The following GRIK2 variants were observed in gnomAD, a reference collection of about 807,000 sequenced individuals.
The protein encoded by GRIK2 is glutamate ionotropic receptor kainate type subunit 2.
GRIK2 carries 32 observed loss-of-function variants against 100.3 expected under a neutral mutation model. The observed-to-expected ratio is 0.32, with a 90% confidence interval of 0.24 to 0.43. The LOEUF (loss-of-function observed/expected upper bound fraction) is 0.43. Ranked by LOEUF, GRIK2 falls within the 20% of genes least tolerant of loss-of-function variation. The pLI, the probability that GRIK2 is intolerant of heterozygous loss-of-function variation, is 1.00. For synonymous variants in GRIK2, 417 were observed against 389.4 expected, an observed-to-expected ratio of 1.07 and a Z score of -0.83; for missense variants, 843 against 1,114.9, an observed-to-expected ratio of 0.76 and a Z score of 3.47.
At chr6:101,858,730 T>C (rs1784579150) in intron 10 of GRIK2, among the ~76,000 whole-genome samples, 2 of 152,032 alleles carry the variant, frequency 1.3e-5, no homozygotes, top group African/African-American at 2.4e-5. Flanking sequence ...CTTTTTAAAC[T>C]ATAATTAAAT....
chr6:101,945,535 A>G (rs1362563924), intron 14 of GRIK2, among the ~76,000 whole-genome samples: 3 of 152,062 alleles, frequency 2.0e-5, no homozygotes, highest in East Asian at 1.9e-4. Flanking sequence ...ACAGCTCTCC[A>G]TATCTATCGC....
At position 101,970,800 on chromosome 6, in the gene GRIK2, T is replaced by A. The variant is rs150155136; in HGVS notation, c.2085+42168T>A. ...TCTGAGTCCTGTCTCTGCAGTTAAG[T>A]CCTGCCTCCTGAGTCAAGTCCCACC... On this transcript the variant is annotated intron_variant, in intron 14 of 16. Transcript: ENST00000369134. 6.1e-3 allele frequency among the ~76,000 whole-genome samples: 925 copies of A among 150,836 alleles called. 66 individuals are homozygous for A. Among genetic ancestry groups the A allele is most frequent in the African/African-American group, 0.022 (885 of 40,306 alleles).
chr6:101,986,359 C>T (rs1341466186), intron 14 of GRIK2, among the ~76,000 whole-genome samples: 2 of 151,838 alleles, frequency 1.3e-5, no homozygotes, highest in Non-Finnish European at 2.9e-5. Flanking sequence ...TTATACTTCA[C>T]ACTCAGAAAA....
chr6:101,439,759 G>A (rs1010229431), intron 2 of GRIK2, among the ~76,000 whole-genome samples: 2 of 152,050 alleles, frequency 1.3e-5, no homozygotes, highest in East Asian at 1.9e-4. Context: ...ATTATAAGTA[G>A]CTATCTTACC....
intron 7 of GRIK2, among the ~76,000 whole-genome samples, chr6:101,782,265 C>T (rs1255886438): frequency 6.6e-6 from 1 of 152,144 alleles, no homozygotes; most frequent in South Asian, 2.1e-4. Context: ...ACTCTAGTTA[C>T]CCTACTCTGC....
chr6:101,638,411 G>A (rs1426315778), intron 4 of GRIK2, among the ~76,000 whole-genome samples: 1 of 151,926 alleles, frequency 6.6e-6, no homozygotes, highest in East Asian at 1.9e-4. Context: ...GGAGAGATGT[G>A]TAGGGAGTAC....
At chr6:101,877,641 A>G (rs547066523) in intron 11 of GRIK2, among the ~76,000 whole-genome samples, 2 of 152,090 alleles carry the variant, frequency 1.3e-5, no homozygotes, top group African/African-American at 2.4e-5. Flanking sequence ...ACATCTGAGT[A>G]CAAAATAAGT....
rs111295036 is a variant in GRIK2, at chr6:101,543,656, G to C, written c.116-78293G>C. On this transcript the variant is annotated intron_variant, in intron 2 of 16. Transcript: ENST00000369134. ...TATACTCCAGCTCTGCCATGTGGCT[G>C]TGTGGCCTTAGGCAAGTTATTCAGT... is the stretch of plus-strand genomic sequence containing the variant. 6.6e-5 allele frequency among the ~76,000 whole-genome samples: 10 copies of C among 152,294 alleles called. 1 individual carries two copies. Among genetic ancestry groups the C allele is most frequent in the African/African-American group, 2.4e-4 (10 of 41,564 alleles).
intron 14 of GRIK2, among the ~76,000 whole-genome samples, chr6:101,994,275 AC>A (rs1023515217): frequency 2.0e-5 from 3 of 151,328 alleles, no homozygotes; most frequent in African/African-American, 7.3e-5. Flanking sequence ...ACCTTTAACT[AC>A]ATTTCTAGCC....
intron 14 of GRIK2, among the ~76,000 whole-genome samples, chr6:102,019,475 G>A (rs76129759): frequency 0.013 from 1,953 of 152,092 alleles, 50 homozygotes; most frequent in African/African-American, 0.045. Flanking sequence ...TTACTCAGAT[G>A]CTCACATTTT....
At chr6:101,774,613 A>C (rs1407900879) in intron 7 of GRIK2, among the ~76,000 whole-genome samples, 3 of 152,180 alleles carry the variant, frequency 2.0e-5, no homozygotes, top group African/African-American at 7.2e-5. Flanking sequence ...AAAAAATTTA[A>C]TTAGGTAAGA....
chr6:101,562,514 G>GT (rs142650148), intron 2 of GRIK2, among the ~76,000 whole-genome samples: 13,899 of 151,172 alleles, frequency 0.092, 1,804 homozygotes, highest in African/African-American at 0.29. Flanking sequence ...AATTTTTGTA[G>GT]TTTTTTTTAG....
chr6:101,928,196 T>C, intron 13 of GRIK2: 1 of 556,218 alleles, frequency 1.8e-6, no homozygotes, highest in Non-Finnish European at 3.2e-6. Flanking sequence ...ATGAGTCTCC[T>C]GTCACTATAT....
intron 2 of GRIK2, among the ~76,000 whole-genome samples, chr6:101,545,693 T>C (rs1211462670): frequency 6.6e-6 from 1 of 152,162 alleles, no homozygotes; most frequent in Non-Finnish European, 1.5e-5. Context: ...AACTTTTTAC[T>C]AGGCAAAGAT....
intron 7 of GRIK2, among the ~76,000 whole-genome samples, chr6:101,741,793 A>G (rs1776045719): frequency 6.6e-6 from 1 of 152,234 alleles, no homozygotes; most frequent in Non-Finnish European, 1.5e-5. Context: ...TCTTTATGCT[A>G]AACCGTGATC....
intron 16 of GRIK2, chr6:102,065,775 C>T (rs1209752310): frequency 2.1e-6 from 3 of 1,462,290 alleles, no homozygotes; most frequent in Non-Finnish European, 2.8e-6. Flanking sequence ...CTAATTAATT[C>T]TTCTGTTAAA....
At chr6:101,894,961 A>T (rs1368829076) in intron 12 of GRIK2, among the ~76,000 whole-genome samples, 2 of 151,802 alleles carry the variant, frequency 1.3e-5, no homozygotes, top group Non-Finnish European at 3.0e-5. Flanking sequence ...CTTAATAATT[A>T]TTCACTAAGT....
chr6:101,775,449 G>A (rs1686276652), intron 7 of GRIK2, among the ~76,000 whole-genome samples: 1 of 151,758 alleles, frequency 6.6e-6, no homozygotes, highest in Non-Finnish European at 1.5e-5. Context: ...TCATCAATTT[G>A]TCTCTTCCTT....
chr6:101,975,338 TAGTC>T (rs1473481762), intron 14 of GRIK2, among the ~76,000 whole-genome samples: 1 of 151,932 alleles, frequency 6.6e-6, no homozygotes, highest in East Asian at 1.9e-4. Flanking sequence ...GACAGGTATT[TAGTC>T]AGTGACCTGT....
Sources: gnomAD v4.1 joint callset for allele counts (sites outside exome capture counted in the v4.1 genomes callset) on GRCh38, gnomAD v4.1.1 for gene constraint, MANE v1.5 for transcripts, NCBI Gene and HGNC (gene_info 2026-07-23, HGNC 2026-07-21) for gene names.